CSMD1: variants seen among roughly 807,000 people sequenced by gnomAD.
CSMD1 encodes the protein CUB and sushi domain-containing protein 1.
In CSMD1, 213 loss-of-function variants were observed where a neutral mutation model predicts 417.5. That is an observed-to-expected ratio of 0.51 (90% CI 0.46 to 0.57). CSMD1 has a LOEUF of 0.57. Among genes scored for constraint, CSMD1 ranks in the 20% least tolerant of loss-of-function variants. The probability of loss-of-function intolerance (pLI) is 0.00; values close to 1 mark genes in which losing one functional copy is unlikely to be tolerated. For missense variants in CSMD1, 6,923 were observed against 4,529.7 expected (o/e 1.53, Z -15.17); for synonymous variants, 2,862 against 1,736.8 (o/e 1.65, Z -16.11).
chr8:4,855,809 G>T (rs376290617), intron 1 of CSMD1, among the ~76,000 whole-genome samples: 1 of 151,506 alleles, frequency 6.6e-6, no homozygotes. Context: ...GAAAGTGATG[G>T]GGAGAATGGA....
chr8:3,978,386 T>G (rs181246401), intron 5 of CSMD1, among the ~76,000 whole-genome samples: 269 of 152,328 alleles, frequency 1.8e-3, no homozygotes, highest in African/African-American at 2.3e-3. Flanking sequence ...CAAATATTCA[T>G]AATTCATAGA....
intron 2 of CSMD1, among the ~76,000 whole-genome samples, chr8:4,595,387 C>CTTTTTTTTTTTTTTTTTTTTTTTTTT: frequency 3.8e-4 from 56 of 147,322 alleles, no homozygotes; most frequent in East Asian, 1.2e-3. Flanking sequence ...CATTCATTTT[C>CTTTTTTTTTTTTTTTTTTTTTTTTTT]ATTCCATCCA....
At chr8:4,050,300 G>A (rs1431765493) in intron 3 of CSMD1, among the ~76,000 whole-genome samples, 1 of 152,092 alleles carries the variant, frequency 6.6e-6, no homozygotes, top group Admixed American at 6.6e-5. Context: ...ATGAGCAGCA[G>A]AACTTAAGGA....
chr8:3,905,867 AG>A (rs1169703342), intron 5 of CSMD1, among the ~76,000 whole-genome samples: 1 of 152,246 alleles, frequency 6.6e-6, no homozygotes, highest in African/African-American at 2.4e-5. Context: ...GACCCAATTT[AG>A]CAGAAGGTTT....
chr8:4,188,925 C>T (rs1798850973), intron 3 of CSMD1, among the ~76,000 whole-genome samples: 1 of 152,156 alleles, frequency 6.6e-6, no homozygotes, highest in African/African-American at 2.4e-5. Flanking sequence ...TGCTGGGTTT[C>T]TCCCTCCATG....
At chr8:4,449,594 A>G (rs1235012) in intron 2 of CSMD1, among the ~76,000 whole-genome samples, 141,872 of 152,238 alleles carry the variant, frequency 0.93, 66,239 homozygotes, top group African/African-American at 0.98. Flanking sequence ...CATAATAGAG[A>G]TAATCAATAT....
At chr8:4,353,282 A>C (rs542996570) in intron 3 of CSMD1, among the ~76,000 whole-genome samples, 2 of 152,200 alleles carry the variant, frequency 1.3e-5, no homozygotes, top group South Asian at 2.1e-4. Flanking sequence ...TGATGGTTTT[A>C]TAAAGGGGAG....
intron 10 of CSMD1, among the ~76,000 whole-genome samples, chr8:3,531,555 A>T (rs1337180545): frequency 6.6e-6 from 1 of 152,198 alleles, no homozygotes; most frequent in Non-Finnish European, 1.5e-5. Flanking sequence ...AAGTTCTGGG[A>T]GCCCTGCCAT....
At chr8:4,638,295 C>G (rs959345268) in intron 1 of CSMD1, among the ~76,000 whole-genome samples, 1 of 152,044 alleles carries the variant, frequency 6.6e-6, no homozygotes, top group African/African-American at 2.4e-5. Flanking sequence ...ACACACCTAG[C>G]CACATAACTG....
In CSMD1 at chr8:3,223,814, A is replaced by G. The variant is rs1798342602; in HGVS notation, c.4399T>C (p.Tyr1467His). The G allele has an allele frequency of 1.9e-6, 3 of 1,613,842 alleles. No individual in the cohort carries two copies. The highest frequency in any genetic ancestry group is 2.5e-6 in the Non-Finnish European group (3 of 1,179,810). Residue 1467 changes from tyrosine (Y) to histidine (H), a missense_variant, in exon 28 of 70, where the codon TAC (tyrosine) becomes CAC (histidine). Coordinates refer to ENST00000635120, the MANE Select transcript of CSMD1 (RefSeq NM_033225.6). Reference protein sequence around the residue: ...GPAGVILSPNYPQPYPPGKEC... With the variant: ...GPAGVILSPNHPQPYPPGKEC... ...TTCCCAGGAGGATACGGCTGTGGGT[A>G]GTTGGGTGACAAAATAACACCTGCT...
chr8:3,129,994 A>C (rs1817710895), intron 41 of CSMD1, among the ~76,000 whole-genome samples: 1 of 152,158 alleles, frequency 6.6e-6, no homozygotes, highest in Admixed American at 6.5e-5. Context: ...AAAAAAAGAA[A>C]AGAAAAGTTA....
At chr8:4,117,332 G>A (rs1357540897) in intron 3 of CSMD1, among the ~76,000 whole-genome samples, 2 of 151,064 alleles carry the variant, frequency 1.3e-5, no homozygotes, top group African/African-American at 4.8e-5. Context: ...CCGTCTGCCT[G>A]TACCAACACT....
At chr8:3,517,862 C>T (rs1468987877) in intron 10 of CSMD1, among the ~76,000 whole-genome samples, 1 of 152,144 alleles carries the variant, frequency 6.6e-6, no homozygotes, top group African/African-American at 2.4e-5. Context: ...CAACTGCAGG[C>T]TTACAACCCC....
At chr8:2,961,368 A>G (rs1803465129) in intron 61 of CSMD1, among the ~76,000 whole-genome samples, 154 bp from the exon 62 acceptor site, 1 of 152,190 alleles carries the variant, frequency 6.6e-6, no homozygotes, top group Non-Finnish European at 1.5e-5. Flanking sequence ...TTAAATTGCT[A>G]CTTTTATCTT....
chr8:4,657,824 T>C (rs1220170975), intron 1 of CSMD1, among the ~76,000 whole-genome samples: 1 of 150,558 alleles, frequency 6.6e-6, no homozygotes. Flanking sequence ...AAGGAAACCA[T>C]AGACAAAAAG....
rs1026821650 is a variant in CSMD1 at position 3,006,940 on chromosome 8, A to G, written c.8030-6809T>C. ...TGACAAATGGGATCTAATTAAACTA[A>G]AGAGCTTCTGCACAGCAAAAGAAAC... On this transcript the variant is annotated intron_variant, in intron 52 of 69. Transcript: ENST00000635120. 2.0e-3 allele frequency among the ~76,000 whole-genome samples: 283 copies of G among 141,368 alleles called. 4 individuals are homozygous for G. Among genetic ancestry groups the G allele is most frequent in the Middle Eastern group, 3.4e-3 (1 of 290 alleles). 92.7% of individuals were successfully genotyped at this position (141,368 alleles called of 152,430 possible).
Position 4,014,174 on chromosome 8 carries a change from G to C in CSMD1, c.611-16064C>G, listed in dbSNP as rs115732558. ...GGTGAACTGTCATAACATTAGAAAT[G>C]CATTCATTAAGTTTGCAAAGCATAA... On this transcript the variant is annotated intron_variant, in intron 4 of 69. Coordinates refer to ENST00000635120, the MANE Select transcript of CSMD1 (RefSeq NM_033225.6). Among the ~76,000 whole-genome samples, 1,392 of 152,224 alleles carry C rather than the reference G, an allele frequency of 9.1e-3. 28 individuals are homozygous for C. The highest frequency in any genetic ancestry group is 0.031 in the African/African-American group (1,300 of 41,520).
At chr8:4,862,248 G>C (rs1214950386) in intron 1 of CSMD1, among the ~76,000 whole-genome samples, 1 of 152,040 alleles carries the variant, frequency 6.6e-6, no homozygotes, top group Non-Finnish European at 1.5e-5. Flanking sequence ...AGGAGTGAAC[G>C]AGATGAGCTC....
chr8:4,802,628 G>C lies in CSMD1; in HGVS notation c.86-165070C>G, dbSNP rs114660390. Among the ~76,000 whole-genome samples the C allele has an allele frequency of 3.8e-3, 583 of 152,218 alleles. 7 individuals are homozygous for C. Among genetic ancestry groups the C allele is most frequent in the African/African-American group, 0.014 (563 of 41,528 alleles). ...CACAATGACTCTAGGTATCCTGTCT[G>C]TTTCTAGGCATGGATTTCCATGCTT... On this transcript the variant is annotated intron_variant, in intron 1 of 69. Coordinates refer to ENST00000635120, the MANE Select transcript of CSMD1 (RefSeq NM_033225.6).
Sources: gnomAD v4.1 joint callset for allele counts (sites outside exome capture counted in the v4.1 genomes callset) on GRCh38, gnomAD v4.1.1 for gene constraint, MANE v1.5 for transcripts, NCBI Gene and HGNC (gene_info 2026-07-23, HGNC 2026-07-21) for gene names.